EHBP1: variants seen among roughly 807,000 people sequenced by gnomAD.
The protein encoded by EHBP1 is EH domain binding protein 1, also known as EH domain-binding protein 1.
A neutral mutation model predicts 144.0 loss-of-function variants in EHBP1; 55 were observed. The ratio of observed to expected loss-of-function variants is 0.38; its 90% CI spans 0.31 to 0.48. The LOEUF is 0.48. Among genes scored for constraint, EHBP1 ranks in the 20% least tolerant of loss-of-function variants. The pLI, the probability that EHBP1 is intolerant of heterozygous loss-of-function variation, is 0.98. For synonymous variants in EHBP1, 469 were observed against 472.7 expected (o/e 0.99, Z 0.10); for missense variants, 1,200 against 1,364.2 (o/e 0.88, Z 1.90).
chr2:62,972,119 A>AT (rs1479522112), intron 14 of EHBP1, among the ~76,000 whole-genome samples: 3 of 152,100 alleles, frequency 2.0e-5, no homozygotes, highest in South Asian at 2.1e-4. Context: ...CAGTGAAAAG[A>AT]TTTTTTTTCC....
intron 1 of EHBP1, among the ~76,000 whole-genome samples, chr2:62,685,066 T>G (rs1286059988): frequency 6.6e-6 from 1 of 152,120 alleles, no homozygotes; most frequent in Non-Finnish European, 1.5e-5. Context: ...AACTGTTAGA[T>G]AGAAGGAATA....
chr2:62,884,155 A>G (rs2051716958), intron 10 of EHBP1, among the ~76,000 whole-genome samples: 1 of 152,254 alleles, frequency 6.6e-6, no homozygotes, highest in Non-Finnish European at 1.5e-5. Context: ...CACAAGTAAT[A>G]GTGATTACAT....
chr2:62,890,291 T>G (rs559694467), intron 10 of EHBP1, among the ~76,000 whole-genome samples: 2 of 152,298 alleles, frequency 1.3e-5, no homozygotes, highest in East Asian at 3.9e-4. Context: ...CATTGGTAGT[T>G]TGATGGGAAC....
rs1054949919 is a variant in EHBP1 at position 62,932,168 on chromosome 2, C to T, written c.1186-10550C>T. Among the ~76,000 whole-genome samples the T allele has an allele frequency of 6.2e-4, 91 of 145,996 alleles. 2 individuals are homozygous for T. Among genetic ancestry groups the T allele is most frequent in the Admixed American group, 4.8e-4 (7 of 14,506 alleles). On this transcript the variant is annotated intron_variant, in intron 10 of 22. Transcript: ENST00000431489. ...CTCTAGCCTGGGTGGCAGAGCGAGA[C>T]GGCATCTAAAAAAAAAAAAAAAGAA...
intron 5 of EHBP1, among the ~76,000 whole-genome samples, chr2:62,797,010 C>G (rs1185964499): frequency 6.6e-6 from 1 of 152,038 alleles, no homozygotes; most frequent in African/African-American, 2.4e-5. Context: ...CTTTGGAGCC[C>G]TATGAAAGGA....
chr2:62,806,071 C>T (rs995370368), intron 5 of EHBP1, among the ~76,000 whole-genome samples: 1 of 152,106 alleles, frequency 6.6e-6, no homozygotes, highest in Non-Finnish European at 1.5e-5. Context: ...CCTCGACCTC[C>T]TGGGCTCAAG....
intron 5 of EHBP1, among the ~76,000 whole-genome samples, chr2:62,772,964 A>T (rs996021166): frequency 6.6e-6 from 1 of 152,220 alleles, no homozygotes; most frequent in Non-Finnish European, 1.5e-5. Flanking sequence ...TGAAGTTATG[A>T]GATTTCAGAA....
At chr2:62,980,071 T>G (rs2058894289) in intron 15 of EHBP1, among the ~76,000 whole-genome samples, 1 of 152,146 alleles carries the variant, frequency 6.6e-6, no homozygotes, top group Non-Finnish European at 1.5e-5. Context: ...AATCTTAGAA[T>G]GCAAAGATCA....
chr2:62,790,844 T>C (rs1312611514), intron 5 of EHBP1, among the ~76,000 whole-genome samples: 1 of 152,080 alleles, frequency 6.6e-6, no homozygotes, highest in Non-Finnish European at 1.5e-5. Context: ...TTATTGTCTC[T>C]TGTGTTTTAT....
At chr2:62,684,535 G>A (rs1338924481) in intron 1 of EHBP1, among the ~76,000 whole-genome samples, 11 of 152,236 alleles carry the variant, frequency 7.2e-5, no homozygotes, top group Admixed American at 7.2e-4. Context: ...TGAGTTTTAG[G>A]AGCCATGGAT....
chr2:62,983,252 G>A (rs2059045308), intron 15 of EHBP1, among the ~76,000 whole-genome samples: 1 of 152,100 alleles, frequency 6.6e-6, no homozygotes, highest in Non-Finnish European at 1.5e-5. Context: ...TTTTAGTTAT[G>A]TAGTATTGTG....
chr2:62,948,911 C>T lies in EHBP1; in HGVS notation c.2065C>T (p.Gln689Ter). 6.2e-7 allele frequency: 1 copy of T among 1,614,050 alleles called. No homozygotes were observed. The highest frequency in any genetic ancestry group is 8.5e-7 in the Non-Finnish European group (1 of 1,179,980). The change falls in exon 13 of 23, where the codon CAA becomes TAA. Residue 689 changes from glutamine (Q) to a stop codon, truncating the protein, a stop_gained. Coordinates refer to ENST00000431489, the MANE Select transcript of EHBP1 (RefSeq NM_001142616.3). LOFTEE classifies it high-confidence loss of function. ...TGAGGAGACAGATGAACAAAAGCTTCAAACTCTAGACATCGGTAGTAACTT... is the reference window on the plus strand; with the variant it reads ...TGAGGAGACAGATGAACAAAAGCTTTAAACTCTAGACATCGGTAGTAACTT... ...ICEETDEQKL[Q>*]TLDIGSNLEK... is the part of the protein sequence containing the mutation.
intron 5 of EHBP1, among the ~76,000 whole-genome samples, chr2:62,781,036 A>G (rs2042387636): frequency 6.6e-6 from 1 of 152,196 alleles, no homozygotes; most frequent in Admixed American, 6.5e-5. Context: ...ATAAATAGAT[A>G]TCATGTGACA....
chr2:62,979,399 AC>A, intron 15 of EHBP1, 64 bp downstream of exon 15: 1 of 1,518,788 alleles, frequency 6.6e-7, no homozygotes, highest in East Asian at 2.3e-5. Context: ...ACCTTTTGGG[AC>A]TTTTTATTCT....
intron 10 of EHBP1, among the ~76,000 whole-genome samples, chr2:62,883,666 G>A (rs1157497336): frequency 6.6e-6 from 1 of 152,112 alleles, no homozygotes; most frequent in Non-Finnish European, 1.5e-5. Flanking sequence ...TAAAATAATA[G>A]TATTAATAGA....
chr2:62,955,757 A>G lies in EHBP1; in HGVS notation c.2460+97A>G, dbSNP rs924844098. 12 of 1,330,246 alleles carry G rather than the reference A, an allele frequency of 9.0e-6. No individual in the cohort carries two copies. In the Admixed American group the frequency reaches 2.0e-4, roughly 22 times the overall value. 82.4% of individuals were successfully genotyped at this position (1,330,246 alleles called of 1,614,324 possible). A position where few individuals can be genotyped will look rare whatever the true frequency, so the allele number is the denominator to read the frequency against. ...TGTATTTCTGCTATGTTATTTTTCT[A>G]CGGACTGTACATTGTGAATACTTGG... is the stretch of plus-strand genomic sequence containing the variant. On this transcript the variant is annotated intron_variant, in intron 14 of 22. Transcript: ENST00000431489.
intron 10 of EHBP1, among the ~76,000 whole-genome samples, chr2:62,894,927 A>AAGAGAGAG (rs57403564): frequency 0.29 from 41,098 of 140,924 alleles, 6,080 homozygotes; most frequent in East Asian, 0.42. Flanking sequence ...AACAGAAAGA[A>AAGAGAGAG]AGAGAGAGAG....
chr2:62,958,070 C>T (rs1162972637), intron 14 of EHBP1, among the ~76,000 whole-genome samples: 1 of 152,064 alleles, frequency 6.6e-6, no homozygotes, highest in Non-Finnish European at 1.5e-5. Context: ...CTGACAGTAA[C>T]AAGTGTGGAA....
chr2:62,854,909 T>G (rs550721254), intron 7 of EHBP1, among the ~76,000 whole-genome samples: 1 of 152,254 alleles, frequency 6.6e-6, no homozygotes, highest in East Asian at 1.9e-4. Flanking sequence ...TGGGTGCTAC[T>G]AAATCTGCCC....
Sources: allele counts gnomAD v4.1 joint callset (sites outside exome capture counted in the v4.1 genomes callset), GRCh38; gene constraint gnomAD v4.1.1; transcripts MANE v1.5; gene names NCBI Gene and HGNC (gene_info 2026-07-23, HGNC 2026-07-21).